Variants in CACHD1 observed in about 807,000 individuals in gnomAD.
CACHD1 encodes the protein VWFA and cache domain-containing protein 1.
Under a neutral mutation model 138.7 loss-of-function variants are expected in CACHD1, and 71 were observed. The observed-to-expected ratio is 0.51, with a 90% CI of 0.42 to 0.62. CACHD1 has a LOEUF of 0.62. Ranked by LOEUF, CACHD1 falls within the 20% of genes least tolerant of loss-of-function variation. CACHD1 has a pLI of 0.00. For synonymous variants in CACHD1, 578 were observed against 591.5 expected (o/e 0.98, Z 0.33); for missense variants, 1,389 against 1,625.3 (o/e 0.85, Z 2.50).
At chr1:64,635,380 A>ATTTTTT (rs71056060) in intron 7 of CACHD1, among the ~76,000 whole-genome samples, 1 of 91,844 alleles carries the variant, frequency 1.1e-5, no homozygotes, top group African/African-American at 3.7e-5. Flanking sequence ...CTCTAATTTA[A>ATTTTTT]TTTTTTTTTT....
At chr1:64,560,949 C>G (rs976370645) in intron 2 of CACHD1, among the ~76,000 whole-genome samples, 7 of 151,966 alleles carry the variant, frequency 4.6e-5, no homozygotes, top group Non-Finnish European at 8.8e-5. Context: ...ATATTATTCT[C>G]TCCTTAAAGT....
intron 12 of CACHD1, among the ~76,000 whole-genome samples, chr1:64,656,162 A>G (rs1055172967): frequency 6.6e-6 from 1 of 152,234 alleles, no homozygotes; most frequent in Non-Finnish European, 1.5e-5. Flanking sequence ...CATTATGGCA[A>G]TAGCAATTAC....
At chr1:64,686,028 G>A (rs939322661) in intron 26 of CACHD1, among the ~76,000 whole-genome samples, 1 of 152,102 alleles carries the variant, frequency 6.6e-6, no homozygotes, top group Non-Finnish European at 1.5e-5. Flanking sequence ...TTGATAAAAG[G>A]TGGAATATGA....
chr1:64,686,091 T>C (rs543104134), intron 26 of CACHD1, among the ~76,000 whole-genome samples: 1 of 152,312 alleles, frequency 6.6e-6, no homozygotes, highest in South Asian at 2.1e-4. Context: ...AGTTCACTTT[T>C]ATCTGCGAGT....
chr1:64,542,461 A>G (rs1646684406), intron 1 of CACHD1, among the ~76,000 whole-genome samples: 1 of 152,142 alleles, frequency 6.6e-6, no homozygotes, highest in African/African-American at 2.4e-5. Flanking sequence ...TGAGCATCAA[A>G]CATAAGCCTC....
chr1:64,539,363 G>A (rs1158370157), intron 1 of CACHD1, among the ~76,000 whole-genome samples: 1 of 152,078 alleles, frequency 6.6e-6, no homozygotes, highest in Non-Finnish European at 1.5e-5. Context: ...TTTACTAAGT[G>A]CCTACCACAT....
Position 64,540,488 on chromosome 1 carries a change from C to G in CACHD1, c.199-10106C>G, listed in dbSNP as rs117513292. Among the ~76,000 whole-genome samples, 99 of 152,238 alleles carry G rather than the reference C, an allele frequency of 6.5e-4. No homozygotes were observed. In the East Asian group the frequency reaches 0.014, roughly 21 times the overall value. ...TATATTGGCTAACAGCGGACTCTTT[C>G]CAACATGTGGAACTAATTTATTTGA... On this transcript the variant is annotated intron_variant, in intron 1 of 26. Transcript: ENST00000651257.
intron 1 of CACHD1, among the ~76,000 whole-genome samples, chr1:64,513,500 G>T (rs1032004230): frequency 6.6e-6 from 1 of 152,190 alleles, no homozygotes; most frequent in African/African-American, 2.4e-5. Flanking sequence ...ATGTATAAGG[G>T]CATCCTTGCT....
chr1:64,632,673 C>G lies in CACHD1; in HGVS notation c.719C>G (p.Thr240Arg). ...VVILDHGASV[T>R]DTQLQIAKDA... ...ATTCTGGACCACGGGGCTTCAGTCA[C>G]AGACACTCAGCTTCAGATTGCCAAG... The change falls in exon 6 of 27, where the codon ACA becomes AGA. Residue 240 changes from threonine (T) to arginine (R), a missense_variant. By Grantham distance (71) the Thr-to-Arg change is moderately conservative (BLOSUM62 -1). Coordinates refer to ENST00000651257, the MANE Select transcript of CACHD1 (RefSeq NM_020925.4). The G allele has an allele frequency of 6.2e-7, 1 of 1,614,160 alleles. No homozygotes were observed.
intron 4 of CACHD1, among the ~76,000 whole-genome samples, chr1:64,628,024 G>A (rs1648170259): frequency 6.6e-6 from 1 of 152,136 alleles, no homozygotes; most frequent in South Asian, 2.1e-4. Flanking sequence ...TAATTTCTTT[G>A]AGCTTCAGTT....
At chr1:64,535,258 C>T (rs1481252001) in intron 1 of CACHD1, among the ~76,000 whole-genome samples, 4 of 151,870 alleles carry the variant, frequency 2.6e-5, no homozygotes, top group Non-Finnish European at 5.9e-5. Flanking sequence ...CGTCTTTCTC[C>T]ACCTCTTTGT....
chr1:64,661,081 AG>A (rs1479702803), intron 13 of CACHD1, among the ~76,000 whole-genome samples: 1 of 152,150 alleles, frequency 6.6e-6, no homozygotes, highest in Non-Finnish European at 1.5e-5. Context: ...CATCTTAGTT[AG>A]GATCAGTTGG....
At chr1:64,644,166 C>G (rs192463661) in intron 8 of CACHD1, among the ~76,000 whole-genome samples, 1 of 152,182 alleles carries the variant, frequency 6.6e-6, no homozygotes, top group Non-Finnish European at 1.5e-5. Context: ...TGCCTGGGCA[C>G]GTGCCCATCA....
intron 26 of CACHD1, among the ~76,000 whole-genome samples, chr1:64,686,107 A>T (rs1428133031): frequency 6.6e-6 from 1 of 152,234 alleles, no homozygotes; most frequent in Non-Finnish European, 1.5e-5. Context: ...CGAGTAAATT[A>T]TGGGAAACCC....
intron 3 of CACHD1, among the ~76,000 whole-genome samples, chr1:64,596,651 G>A (rs985921040): frequency 2.6e-4 from 39 of 152,288 alleles, no homozygotes; most frequent in African/African-American, 9.1e-4. Context: ...AAGCCTCTCA[G>A]CATTTCTTCC....
chr1:64,576,586 C>T (rs540968549), intron 2 of CACHD1, among the ~76,000 whole-genome samples: 1 of 152,080 alleles, frequency 6.6e-6, no homozygotes, highest in South Asian at 2.1e-4. Context: ...ACAGGGAGCT[C>T]CTCTCAGGCA....
At chr1:64,604,465 T>G (rs1468601797) in intron 4 of CACHD1, among the ~76,000 whole-genome samples, 2 of 152,066 alleles carry the variant, frequency 1.3e-5, no homozygotes, top group East Asian at 3.9e-4. Flanking sequence ...GGAAATCGAG[T>G]CTCCAGGTTC....
rs2100757666 is a variant in CACHD1, at chr1:64,691,733, C to A, written c.*172C>A. 1 of 614,742 alleles carries A rather than the reference C, an allele frequency of 1.6e-6. No individual in the cohort carries two copies. The allele number at this position is 614,742 out of a possible 1,614,324, so 38.1% of individuals were successfully genotyped here. On this transcript the variant is annotated 3_prime_UTR_variant, in exon 27 of 27. Transcript: ENST00000651257. ...ACATGGTTAAAAACGAGAGAAACAA[C>A]AACACAGTCACATTTGTGAAGATGT...
chr1:64,564,566 A>G (rs560434137), intron 2 of CACHD1, among the ~76,000 whole-genome samples: 1 of 152,270 alleles, frequency 6.6e-6, no homozygotes, highest in Non-Finnish European at 1.5e-5. Flanking sequence ...TAACCCAGCC[A>G]AGGAACCTGG....
Sources: allele counts gnomAD v4.1 joint callset (sites outside exome capture counted in the v4.1 genomes callset), GRCh38; gene constraint gnomAD v4.1.1; transcripts MANE v1.5; gene names NCBI Gene and HGNC (gene_info 2026-07-23, HGNC 2026-07-21).